The following WDR17 variants were observed in gnomAD, a reference collection of about 807,000 sequenced individuals.
The protein encoded by WDR17 is WD repeat-containing protein 17.
WDR17 carries 143 observed loss-of-function variants against 161.7 expected under a neutral mutation model. The ratio of observed to expected loss-of-function variants is 0.88; its 90% CI spans 0.77 to 1.02. WDR17 has a LOEUF of 1.02. WDR17 is among the 50% of genes least tolerant of loss of function. WDR17 has a pLI of 0.00. For synonymous variants in WDR17, 517 were observed against 515.6 expected, an observed-to-expected ratio of 1.00 and a Z score of -0.04; for missense variants, 1,469 against 1,520.9, an observed-to-expected ratio of 0.97 and a Z score of 0.57.
intron 1 of WDR17, among the ~76,000 whole-genome samples, chr4:176,075,584 T>A (rs193046264): frequency 6.6e-6 from 1 of 152,214 alleles, no homozygotes; most frequent in African/African-American, 2.4e-5. Context: ...TTAAAAAGAC[T>A]GTAATTTTAT....
rs142501093 is a variant in WDR17 at position 176,110,291 on chromosome 4, G to A, written c.-6-1284G>A. Among the ~76,000 whole-genome samples the A allele has an allele frequency of 3.3e-3, 500 of 152,144 alleles. 3 individuals carry two copies. Among genetic ancestry groups the A allele is most frequent in the Non-Finnish European group, 4.0e-3 (272 of 67,994 alleles). ...TGAGTAGCTGGGACCACAGGTGCCC[G>A]TCACCACGCCCGGCTAATTTTTTGT... On this transcript the variant is annotated intron_variant, in intron 1 of 28. Coordinates refer to ENST00000508596, the MANE Select transcript of WDR17 (RefSeq NM_181265.4).
intron 7 of WDR17, among the ~76,000 whole-genome samples, chr4:176,132,978 C>T (rs1743712642): frequency 6.6e-6 from 1 of 151,602 alleles, no homozygotes; most frequent in African/African-American, 2.4e-5. Flanking sequence ...GGTTGAGTCA[C>T]TAAATCTGGC....
intron 3 of WDR17, among the ~76,000 whole-genome samples, chr4:176,118,859 G>T (rs1035064070): frequency 6.6e-6 from 1 of 152,016 alleles, no homozygotes; most frequent in African/African-American, 2.4e-5. Flanking sequence ...TACTCGGGAG[G>T]CTGAGGCAGG....
intron 22 of WDR17, among the ~76,000 whole-genome samples, chr4:176,167,671 A>AC (rs1750070371): frequency 1.3e-5 from 2 of 150,564 alleles, no homozygotes; most frequent in Non-Finnish European, 2.9e-5. Context: ...AAAAAAAAAA[A>AC]ACAATATCTT....
At chr4:176,127,461 A>G (rs1742635614) in intron 5 of WDR17, among the ~76,000 whole-genome samples, 1 of 151,882 alleles carries the variant, frequency 6.6e-6, no homozygotes. Flanking sequence ...ATACCTGGCT[A>G]ATTTTTCTAT....
chr4:176,170,307 TTC>T (rs1199486508), intron 23 of WDR17, among the ~76,000 whole-genome samples: 2 of 141,466 alleles, frequency 1.4e-5, no homozygotes, highest in South Asian at 2.3e-4. Context: ...CAATTATTTT[TTC>T]TTTTTTCTTT....
At chr4:176,152,206 G>A (rs1747243109) in intron 17 of WDR17, among the ~76,000 whole-genome samples, 1 of 148,934 alleles carries the variant, frequency 6.7e-6, no homozygotes, top group Non-Finnish European at 1.5e-5. Flanking sequence ...AAGATGAGAG[G>A]ATCAGTTGAG....
At chr4:176,116,346 A>G (rs1740634538) in intron 3 of WDR17, among the ~76,000 whole-genome samples, 1 of 151,928 alleles carries the variant, frequency 6.6e-6, no homozygotes, top group Non-Finnish European at 1.5e-5. Context: ...CCTTTAAATT[A>G]CAAAGAAAGT....
intron 20 of WDR17, 76 bp from the exon 21 acceptor site, chr4:176,161,999 C>A: frequency 2.4e-6 from 3 of 1,235,498 alleles, no homozygotes; most frequent in South Asian, 1.5e-5. Context: ...TTTTATCATA[C>A]CTTTTAAAAA....
At chr4:176,157,043 A>G (rs931630851) in intron 18 of WDR17, among the ~76,000 whole-genome samples, 7 of 152,062 alleles carry the variant, frequency 4.6e-5, no homozygotes, top group African/African-American at 1.4e-4. Flanking sequence ...CTAAGACCCT[A>G]TTTCCATATA....
chr4:176,177,799 C>G (rs1751660998), intron 28 of WDR17, 145 bp downstream of exon 28: 1 of 718,462 alleles, frequency 1.4e-6, no homozygotes, highest in Non-Finnish European at 2.2e-6. Flanking sequence ...CTAGTGCTTC[C>G]ATAGTTAGTA....
chr4:176,146,229 T>C lies in WDR17; in HGVS notation c.1694+70T>C, dbSNP rs899873314. 3 of 1,476,090 alleles carry C rather than the reference T, an allele frequency of 2.0e-6. No individual in the cohort carries two copies. In the Admixed American group the frequency reaches 5.7e-5, roughly 28 times the overall value. The allele number at this position is 1,476,090 out of a possible 1,614,324, so 91.4% of individuals were successfully genotyped here. On this transcript the variant is annotated intron_variant, in intron 12 of 28. Transcript: ENST00000508596. ...GCTTATATTTTCCTAGAAATGTACATATTTATAGGAGATATATAGATATAT... is the reference window on the plus strand; with the variant it reads ...GCTTATATTTTCCTAGAAATGTACACATTTATAGGAGATATATAGATATAT...
At chr4:176,151,765 C>A in intron 16 of WDR17, 47 bp from the exon 17 acceptor site, 1 of 1,501,928 alleles carries the variant, frequency 6.7e-7, no homozygotes, top group Admixed American at 2.3e-5. Context: ...ACATACAAAA[C>A]AAAATATGTC....
At chr4:176,095,912 A>G (rs1389613435) in intron 1 of WDR17, among the ~76,000 whole-genome samples, 2 of 152,138 alleles carry the variant, frequency 1.3e-5, no homozygotes, top group African/African-American at 2.4e-5. Flanking sequence ...AAATTAAATT[A>G]CATTCATGTG....
At chr4:176,121,631 C>T (rs931882301) in intron 4 of WDR17, among the ~76,000 whole-genome samples, 3 of 152,050 alleles carry the variant, frequency 2.0e-5, no homozygotes, top group South Asian at 2.1e-4. Flanking sequence ...CATTTTTACC[C>T]TCTCCTTTAT....
intron 18 of WDR17, among the ~76,000 whole-genome samples, chr4:176,156,742 A>G (rs948527057): frequency 6.6e-6 from 1 of 151,910 alleles, no homozygotes; most frequent in Non-Finnish European, 1.5e-5. Flanking sequence ...ATTTTCTCAC[A>G]GTTCTGGAGG....
At chr4:176,119,462 C>G (rs1423797597) in intron 3 of WDR17, among the ~76,000 whole-genome samples, 1 of 152,112 alleles carries the variant, frequency 6.6e-6, no homozygotes, top group Non-Finnish European at 1.5e-5. Flanking sequence ...CTCCCTAACA[C>G]ACATTTAAAA....
At chr4:176,136,534 A>G (rs1045001388) in intron 8 of WDR17, among the ~76,000 whole-genome samples, 4 of 151,720 alleles carry the variant, frequency 2.6e-5, no homozygotes, top group South Asian at 2.1e-4. Context: ...GCATCAAGAA[A>G]GTAAAAATGT....
intron 1 of WDR17, among the ~76,000 whole-genome samples, chr4:176,066,634 A>G (rs1732564544): frequency 6.6e-6 from 1 of 152,182 alleles, no homozygotes; most frequent in African/African-American, 2.4e-5. Flanking sequence ...TTTGCTTGCA[A>G]AGATTGAAAG....
Sources: allele counts gnomAD v4.1 joint callset (sites outside exome capture counted in the v4.1 genomes callset), GRCh38; gene constraint gnomAD v4.1.1; transcripts MANE v1.5; gene names NCBI Gene and HGNC (gene_info 2026-07-23, HGNC 2026-07-21).